Variants in HDAC1 observed in about 807,000 individuals in gnomAD.
The protein encoded by HDAC1 is protein deacetylase HDAC1.
In HDAC1, 18 loss-of-function variants were observed where a neutral mutation model predicts 65.5. That is an observed-to-expected ratio of 0.27 (90% confidence interval 0.19 to 0.41). The LOEUF is 0.41. HDAC1 is among the 10% of genes least tolerant of loss of function. HDAC1 has a pLI of 1.00. For synonymous variants in HDAC1, 211 were observed against 227.9 expected, an observed-to-expected ratio of 0.93 and a Z score of 0.67; for missense variants, 373 against 625.2, an observed-to-expected ratio of 0.60 and a Z score of 4.30.
chr1:32,316,126 C>CA (rs1487836917), intron 2 of HDAC1, among the ~76,000 whole-genome samples: 12 of 150,584 alleles, frequency 8.0e-5, no homozygotes, highest in Non-Finnish European at 1.2e-4. Context: ...ACTAAAAATA[C>CA]AAAAAAAATT....
intron 3 of HDAC1, among the ~76,000 whole-genome samples, chr1:32,321,075 C>CA (rs1427613181): frequency 4.1e-5 from 6 of 148,090 alleles, no homozygotes; most frequent in Non-Finnish European, 7.5e-5. Flanking sequence ...ACTAAAAATA[C>CA]AAAAAATTAG....
At chr1:32,293,400 T>A (rs543508549) in intron 1 of HDAC1, among the ~76,000 whole-genome samples, 1 of 152,040 alleles carries the variant, frequency 6.6e-6, no homozygotes, top group Non-Finnish European at 1.5e-5. Flanking sequence ...AGTTGGACTT[T>A]ATTGAGGGCA....
chr1:32,308,433 A>G (rs1354880849), intron 2 of HDAC1, among the ~76,000 whole-genome samples: 1 of 152,268 alleles, frequency 6.6e-6, no homozygotes, highest in Admixed American at 6.5e-5. Context: ...AAGGCTGGAT[A>G]GAAATAGGAC....
chr1:32,310,576 G>A (rs1351562647), intron 2 of HDAC1, among the ~76,000 whole-genome samples: 2 of 152,256 alleles, frequency 1.3e-5, no homozygotes, highest in South Asian at 2.1e-4. Flanking sequence ...CAGGCCGGGC[G>A]CAGTGGCTCA....
intron 1 of HDAC1, among the ~76,000 whole-genome samples, chr1:32,298,014 C>G (rs1298441305): frequency 6.6e-6 from 1 of 151,526 alleles, no homozygotes; most frequent in Admixed American, 6.6e-5. Flanking sequence ...TGGTCTCCAT[C>G]TCCTGACCTT....
chr1:32,295,166 T>C (rs1640750766), intron 1 of HDAC1, among the ~76,000 whole-genome samples: 1 of 152,070 alleles, frequency 6.6e-6, no homozygotes, highest in African/African-American at 2.4e-5. Flanking sequence ...ATAATCCCAG[T>C]ACTTTGGTAG....
intron 1 of HDAC1, among the ~76,000 whole-genome samples, chr1:32,293,534 G>A (rs1640726025): frequency 6.6e-6 from 1 of 151,938 alleles, no homozygotes; most frequent in African/African-American, 2.4e-5. Flanking sequence ...TTGGGAGGCT[G>A]AGGCAGGCAG....
At chr1:32,319,987 T>C (rs1051044960) in intron 3 of HDAC1, among the ~76,000 whole-genome samples, 7 of 150,628 alleles carry the variant, frequency 4.6e-5, no homozygotes, top group Admixed American at 6.6e-5. Context: ...GAGGCCGAGG[T>C]GGGCGGATCA....
rs1446444757 is a variant in HDAC1 at position 32,329,173 on chromosome 1, A to G, written c.729+13A>G. ...CATTTTCAAGCCGGTAAGTGGCTTT[A>G]TCCACCCCTTGGGCTACAAACAGGG... is the stretch of plus-strand genomic sequence containing the variant. On this transcript the variant is annotated intron_variant, in intron 7 of 13. Coordinates refer to ENST00000373548, the MANE Select transcript of HDAC1 (RefSeq NM_004964.3). This position sits in a 1 kb window ranked among gnomAD's most constrained non-coding sequence, Gnocchi z 4.1. The G allele has an allele frequency of 5.2e-6, 8 of 1,526,008 alleles. No individual in the cohort carries two copies. The highest frequency in any genetic ancestry group is 6.4e-6 in the Non-Finnish European group (7 of 1,099,592). 94.5% of individuals were successfully genotyped at this position (1,526,008 alleles called of 1,614,324 possible).
chr1:32,330,901 C>A lies in HDAC1; in HGVS notation c.972C>A (p.Ile324=). 1.2e-6 allele frequency: 2 copies of A among 1,614,082 alleles called. No individual in the cohort carries two copies. Among genetic ancestry groups the A allele is most frequent in the Non-Finnish European group, 1.7e-6 (2 of 1,179,984 alleles). The part of the protein sequence containing the change: ...YETAVALDTE[I]PNELPYNDYF... ...CAGCTGTGGCCCTGGATACGGAGAT[C>A]CCTAATGGTAATAGCTGCAGGGCCA... The change falls in exon 9 of 14, where the codon ATC becomes ATA. Residue 324 remains isoleucine (I), a synonymous_variant. Transcript: ENST00000373548. This position sits in a 1 kb window ranked among gnomAD's most constrained non-coding sequence, Gnocchi z 4.2.
At chr1:32,310,510 C>T (rs180909225) in intron 2 of HDAC1, among the ~76,000 whole-genome samples, 5 of 151,992 alleles carry the variant, frequency 3.3e-5, no homozygotes, top group African/African-American at 1.2e-4. Flanking sequence ...CCCAGGAGTT[C>T]GAGACCAGCC....
At chr1:32,292,306 G>GC in intron 1 of HDAC1, 88 bp downstream of exon 1, 1 of 1,537,120 alleles carries the variant, frequency 6.5e-7, no homozygotes, top group Non-Finnish European at 8.8e-7. Flanking sequence ...ATGGGAGGCT[G>GC]CGGGAGGCTG....
At position 32,327,051 on chromosome 1, in the gene HDAC1, C is replaced by T. The variant is rs1198871575; in HGVS notation, c.468C>T (p.Ile156=). ...EASGFCYVND[I]VLAILELLKY... is the part of the protein sequence containing the mutation. Reference sequence around the variant, plus strand: ...CTGGCTTCTGTTACGTCAATGATATCGTCTTGGCCATCCTGGAACTGCTAA... The same window carrying T: ...CTGGCTTCTGTTACGTCAATGATATTGTCTTGGCCATCCTGGAACTGCTAA... Residue 156 remains isoleucine, a synonymous_variant, in exon 5 of 14, where the codon ATC becomes ATT. Transcript: ENST00000373548. This position sits in a 1 kb window ranked among gnomAD's most constrained non-coding sequence, Gnocchi z 6.0. 9.3e-6 allele frequency: 15 copies of T among 1,613,986 alleles called. No homozygotes were observed. Among genetic ancestry groups the T allele is most frequent in the East Asian group, 2.2e-5 (1 of 44,896 alleles).
rs1295553559 is a variant in HDAC1, at chr1:32,315,347, TA to T, written c.163-1317del. The stretch of plus-strand genomic sequence containing the variant: ...TTTATAATACGTATATATACATATA[TA>T]TTTTTTTTAATTTATTTTTTTGAGA... On this transcript the variant is annotated intron_variant, in intron 2 of 13. Transcript: ENST00000373548. Among the ~76,000 whole-genome samples the T allele has an allele frequency of 2.2e-4, 34 of 151,846 alleles. No individual in the cohort carries two copies. The South Asian group carries it at 4.6e-3, about 20-fold the overall frequency.
At position 32,330,914 on chromosome 1, in the gene HDAC1, A is replaced by G. The variant is rs373980046; in HGVS notation, c.979+6A>G. On this transcript the variant is annotated splice_donor_region_variant and intron_variant, in intron 9 of 13. Coordinates refer to ENST00000373548, the MANE Select transcript of HDAC1 (RefSeq NM_004964.3). This position sits in a 1 kb window ranked among gnomAD's most constrained non-coding sequence, Gnocchi z 4.2. The stretch of plus-strand genomic sequence containing the variant: ...GGATACGGAGATCCCTAATGGTAAT[A>G]GCTGCAGGGCCAGGTTCGGCTGGGC... The G allele has an allele frequency of 6.2e-7, 1 of 1,614,042 alleles. No homozygotes were observed. The highest frequency in any genetic ancestry group is 8.5e-7 in the Non-Finnish European group (1 of 1,179,932).
intron 1 of HDAC1, among the ~76,000 whole-genome samples, chr1:32,300,565 A>T (rs75363503): frequency 1.4e-5 from 2 of 147,464 alleles, no homozygotes; most frequent in East Asian, 2.0e-4. Context: ...CTCAAGAAAT[A>T]AAAAAAAAAA....
At chr1:32,303,309 T>G (rs1260145642) in intron 2 of HDAC1, among the ~76,000 whole-genome samples, 1 of 151,912 alleles carries the variant, frequency 6.6e-6, no homozygotes, top group East Asian at 1.9e-4. Flanking sequence ...TACAAAAAAT[T>G]AGCCAGGCAT....
chr1:32,332,235 G>A lies in HDAC1; in HGVS notation c.1365G>A (p.Glu455=). 2.5e-6 allele frequency: 4 copies of A among 1,610,882 alleles called. No individual in the cohort carries two copies. Among genetic ancestry groups the A allele is most frequent in the Non-Finnish European group, 3.4e-6 (4 of 1,178,524 alleles). ...TEDEKEKDPE[E]KKEVTEEEKT... ...ATGAAAAAGAGAAAGACCCAGAGGA[G>A]AAGAAAGGTGGGTTTGGGTTCAGCT... Residue 455 remains glutamate (E), a synonymous_variant, in exon 12 of 14, where the codon GAG becomes GAA. Coordinates refer to ENST00000373548, the MANE Select transcript of HDAC1 (RefSeq NM_004964.3).
chr1:32,292,464 A>G lies in HDAC1; in HGVS notation c.49+246A>G, dbSNP rs958792619. 11 of 984,014 alleles carry G rather than the reference A, an allele frequency of 1.1e-5. No individual in the cohort carries two copies. In the African/African-American group the frequency reaches 1.4e-4, roughly 13 times the overall value. 61.0% of individuals were successfully genotyped at this position (984,014 alleles called of 1,614,324 possible). Reference sequence around the variant, plus strand: ...TAATCTTGATGGGAAGATTCTGAGGAAGTCTGATGTGGAGAGTTTGAGTGG... The same window carrying G: ...TAATCTTGATGGGAAGATTCTGAGGGAGTCTGATGTGGAGAGTTTGAGTGG... On this transcript the variant is annotated intron_variant, in intron 1 of 13. Transcript: ENST00000373548.
Sources: allele counts gnomAD v4.1 joint callset (sites outside exome capture counted in the v4.1 genomes callset), GRCh38; gene constraint gnomAD v4.1.1; non-coding constraint Gnocchi (gnomAD v3.1); transcripts MANE v1.5; gene names NCBI Gene and HGNC (gene_info 2026-07-23, HGNC 2026-07-21).